The following CLCA1 variants were observed in gnomAD, a reference collection of about 807,000 sequenced individuals.
CLCA1 encodes the protein calcium-activated chloride channel regulator 1.
In CLCA1, 59 loss-of-function variants were observed where a neutral mutation model predicts 85.6. That is an observed-to-expected ratio of 0.69 (90% CI 0.56 to 0.86). The LOEUF (loss-of-function observed/expected upper bound fraction) is 0.86, where lower values mean the gene tolerates loss of function less well. CLCA1 is among the 40% of genes least tolerant of loss of function. The pLI, the probability that CLCA1 is intolerant of heterozygous loss-of-function variation, is 0.00. For missense variants in CLCA1, 1,022 were observed against 1,101.4 expected (o/e 0.93, Z 1.02); for synonymous variants, 396 against 398.3 (o/e 0.99, Z 0.07).
At chr1:86,474,692 T>G (rs1269839027) in intron 3 of CLCA1, among the ~76,000 whole-genome samples, 1 of 152,152 alleles carries the variant, frequency 6.6e-6, no homozygotes, top group Non-Finnish European at 1.5e-5. Flanking sequence ...AGAATACCTT[T>G]GCAATTCATC....
intron 9 of CLCA1, 121 bp from the exon 10 acceptor site, chr1:86,493,262 TC>T: frequency 1.4e-6 from 1 of 712,112 alleles, no homozygotes; most frequent in South Asian, 1.7e-5. Context: ...TAACACCAAA[TC>T]AAGGATTCAG....
At chr1:86,492,510 C>T (rs146359122) in intron 9 of CLCA1, among the ~76,000 whole-genome samples, 32 of 152,318 alleles carry the variant, frequency 2.1e-4, no homozygotes, top group South Asian at 1.5e-3. Context: ...AATAGCCCTT[C>T]GCTTTCTCCA....
chr1:86,486,773 T>G lies in CLCA1; in HGVS notation c.1182+20T>G. ...TTTACTGTGAGATGTGTTTTTCTAT[T>G]GTAGTTTGGAATGTTTGCAATTTAT... On this transcript the variant is annotated intron_variant, in intron 7 of 13. Transcript: ENST00000394711. 6.2e-7 allele frequency: 1 copy of G among 1,608,414 alleles called. No homozygotes were observed. The highest frequency in any genetic ancestry group is 8.5e-7 in the Non-Finnish European group (1 of 1,174,844).
chr1:86,473,936 C>A, intron 3 of CLCA1, 60 bp downstream of exon 3: 2 of 1,223,932 alleles, frequency 1.6e-6, no homozygotes, highest in South Asian at 2.0e-5. Flanking sequence ...CAAAGTGTAT[C>A]AACACTAGCA....
At chr1:86,481,102 A>C (rs1221320385) in intron 4 of CLCA1, among the ~76,000 whole-genome samples, 1 of 152,216 alleles carries the variant, frequency 6.6e-6, no homozygotes, top group Non-Finnish European at 1.5e-5. Flanking sequence ...TGATAGTATT[A>C]AAAGATATAA....
Position 86,486,017 on chromosome 1 carries a change from G to GGAGAGAGAGAGAGAGAGAGAGAGAGAGA in CLCA1, c.954+481_954+482insAGAGAGAGAGAGAGAGAGAGAGAGAGAG, listed in dbSNP as rs35497869. The stretch of plus-strand genomic sequence containing the variant: ...GGCAGGCATGTCTTACATGGCAGCA[G>GGAGAGAGAGAGAGAGAGAGAGAGAGAGA]GAGAGAGAGAGAGAGAGAGAGAGAG... On this transcript the variant is annotated intron_variant, in intron 6 of 13. Coordinates refer to ENST00000394711, the MANE Select transcript of CLCA1 (RefSeq NM_001285.4). 4.6e-4 allele frequency among the ~76,000 whole-genome samples: 68 copies of GGAGAGAGAGAGAGAGAGAGAGAGAGAGA among 147,408 alleles called. 1 individual carries two copies. Among genetic ancestry groups the GGAGAGAGAGAGAGAGAGAGAGAGAGAGA allele is most frequent in the African/African-American group, 1.7e-3 (66 of 39,924 alleles).
chr1:86,471,718 G>A (rs1281898629), intron 1 of CLCA1, among the ~76,000 whole-genome samples: 2 of 151,926 alleles, frequency 1.3e-5, no homozygotes, highest in Non-Finnish European at 2.9e-5. Flanking sequence ...TAAAAATCTG[G>A]GAGTTTTAGA....
At chr1:86,495,039 A>T (rs1011117669) in intron 11 of CLCA1, among the ~76,000 whole-genome samples, 50 of 70,684 alleles carry the variant, frequency 7.1e-4, no homozygotes, top group African/African-American at 2.2e-3. Flanking sequence ...TCTACAGTTT[A>T]AAAAAAAAAA....
chr1:86,498,625 C>T lies in CLCA1; in HGVS notation c.2167C>T (p.His723Tyr), dbSNP rs763099377. ...TGAAATTAATAAGGATGATGTTCAA[C>T]ACAAGCAAGTGTGTTTCAGCAGAAC... ...RPEINKDDVQ[H>Y]KQVCFSRTSS... The change falls in exon 13 of 14, where the codon CAC (histidine) becomes TAC (tyrosine). Residue 723 changes from histidine to tyrosine, a missense_variant. Transcript: ENST00000394711. The T allele has an allele frequency of 2.6e-5, 42 of 1,613,806 alleles. No homozygotes were observed. The highest frequency in any genetic ancestry group is 3.1e-5 in the Non-Finnish European group (36 of 1,179,930).
At position 86,489,308 on chromosome 1, in the gene CLCA1, G is replaced by T. The variant is rs529823289; in HGVS notation, c.1357+138G>T. Reference sequence around the variant, plus strand: ...TGGCTAACTAGCCACCCTTACCCCTGAATGACTGTTTAAGTGGACTCTGCC... The same window carrying T: ...TGGCTAACTAGCCACCCTTACCCCTTAATGACTGTTTAAGTGGACTCTGCC... On this transcript the variant is annotated intron_variant, in intron 8 of 13. Transcript: ENST00000394711. The T allele has an allele frequency of 4.3e-5, 33 of 764,252 alleles. No homozygotes were observed. In the African/African-American group the frequency reaches 5.3e-4, roughly 12 times the overall value. 47.3% of individuals were successfully genotyped at this position (764,252 alleles called of 1,614,324 possible).
intron 6 of CLCA1, among the ~76,000 whole-genome samples, chr1:86,486,017 GGAGA>G (rs35497869): frequency 0.22 from 32,706 of 147,326 alleles, 4,014 homozygotes; most frequent in African/African-American, 0.34. Context: ...CATGGCAGCA[GGAGA>G]GAGAGAGAGA....
chr1:86,498,562 T>G lies in CLCA1; in HGVS notation c.2114-10T>G. On this transcript the variant is annotated splice_polypyrimidine_tract_variant and intron_variant, in intron 12 of 13. Coordinates refer to ENST00000394711, the MANE Select transcript of CLCA1 (RefSeq NM_001285.4). ...TTGCTTACCATATTTTGAGTATTTT[T>G]TTAATGCAGATGAAATACAATGGAA... 1 of 1,609,878 alleles carries G rather than the reference T, an allele frequency of 6.2e-7. No homozygotes were observed. The highest frequency in any genetic ancestry group is 8.5e-7 in the Non-Finnish European group (1 of 1,176,408).
chr1:86,488,740 C>A (rs1648053600), intron 7 of CLCA1, among the ~76,000 whole-genome samples: 1 of 152,146 alleles, frequency 6.6e-6, no homozygotes, highest in South Asian at 2.1e-4. Context: ...CAGTGCTGTC[C>A]ACCCCTAGAG....
intron 3 of CLCA1, 56 bp from the exon 4 acceptor site, chr1:86,476,392 A>T: frequency 1.2e-6 from 1 of 831,904 alleles, no homozygotes. Flanking sequence ...TTCCAGTGTG[A>T]GAAGGTAATT....
chr1:86,498,310 A>C (rs144994470), intron 12 of CLCA1, among the ~76,000 whole-genome samples: 1 of 152,354 alleles, frequency 6.6e-6, no homozygotes, highest in African/African-American at 2.4e-5. Context: ...TCATGAAAAT[A>C]AATTCCAAAA....
intron 1 of CLCA1, 26 bp downstream of exon 1, chr1:86,469,159 T>C (rs1017081578): frequency 6.5e-7 from 1 of 1,541,650 alleles, no homozygotes; most frequent in Non-Finnish European, 8.8e-7. Flanking sequence ...TTATCCATAC[T>C]TTTTTAAAAA....
At chr1:86,488,643 G>A (rs1183079966) in intron 7 of CLCA1, among the ~76,000 whole-genome samples, 1 of 152,146 alleles carries the variant, frequency 6.6e-6, no homozygotes, top group Non-Finnish European at 1.5e-5. Context: ...AAATGAGATG[G>A]TTTCTGAAGG....
At chr1:86,474,509 G>A (rs963063090) in intron 3 of CLCA1, among the ~76,000 whole-genome samples, 25 of 150,896 alleles carry the variant, frequency 1.7e-4, no homozygotes, top group Non-Finnish European at 3.4e-4. Flanking sequence ...AGCCAAGATC[G>A]CGCCACTGCA....
rs183327362 is a variant in CLCA1 at position 86,488,616 on chromosome 1, C to T, written c.1183-380C>T. ...AGTCTGCCCTGGGTCTAATATCCCC[C>T]CAATATAATCCCCATTAAATGAGAT... On this transcript the variant is annotated intron_variant, in intron 7 of 13. Coordinates refer to ENST00000394711, the MANE Select transcript of CLCA1 (RefSeq NM_001285.4). Among the ~76,000 whole-genome samples the T allele has an allele frequency of 3.3e-5, 5 of 152,238 alleles. No individual in the cohort carries two copies. The East Asian group carries it at 9.7e-4, about 29-fold the overall frequency.
Sources: gnomAD v4.1 joint callset for allele counts (sites outside exome capture counted in the v4.1 genomes callset) on GRCh38, gnomAD v4.1.1 for gene constraint, MANE v1.5 for transcripts, NCBI Gene and HGNC (gene_info 2026-07-23, HGNC 2026-07-21) for gene names.